The following PRRC2C variants were observed in gnomAD, a reference collection of about 807,000 sequenced individuals.
PRRC2C encodes the protein protein PRRC2C.
PRRC2C carries 72 observed loss-of-function variants against 317.2 expected under a neutral mutation model. The ratio of observed to expected loss-of-function variants is 0.23; its 90% CI spans 0.19 to 0.28. The LOEUF is 0.28. Among genes scored for constraint, PRRC2C ranks in the 10% least tolerant of loss-of-function variants. The probability of loss-of-function intolerance (pLI) is 1.00; values close to 1 mark genes in which losing one functional copy is unlikely to be tolerated. For missense variants in PRRC2C, 3,074 were observed against 3,459.7 expected, an observed-to-expected ratio of 0.89 and a Z score of 2.80; for synonymous variants, 1,296 against 1,205.9, an observed-to-expected ratio of 1.07 and a Z score of -1.55.
At chr1:171,566,210 G>T (rs143662975) in intron 20 of PRRC2C, 23 bp from the exon 21 acceptor site, 2 of 1,584,894 alleles carry the variant, frequency 1.3e-6, no homozygotes, top group African/African-American at 2.7e-5. Context: ...TTGCAAGCAA[G>T]TTTTAAAATA....
intron 10 of PRRC2C, among the ~76,000 whole-genome samples, chr1:171,526,769 A>G (rs1245201468): frequency 6.9e-6 from 1 of 144,666 alleles, no homozygotes; most frequent in African/African-American, 2.6e-5. Context: ...TAGCAATCTT[A>G]TGGTATTGAG....
chr1:171,568,075 C>T (rs1684013133), intron 22 of PRRC2C, among the ~76,000 whole-genome samples, 172 bp from the exon 23 acceptor site: 1 of 152,124 alleles, frequency 6.6e-6, no homozygotes, highest in African/African-American at 2.4e-5. Flanking sequence ...ATCCCAGCTA[C>T]TTCAGTGACT....
At chr1:171,519,691 G>T (rs1346179344) in intron 6 of PRRC2C, among the ~76,000 whole-genome samples, 1 of 152,008 alleles carries the variant, frequency 6.6e-6, no homozygotes, top group Non-Finnish European at 1.5e-5. Flanking sequence ...TTTTCCAGAA[G>T]ACTCATTACT....
rs938229816 is a variant in PRRC2C, at chr1:171,526,805, C to CTTTTT, written c.1201-969_1201-965dup. On this transcript the variant is annotated intron_variant, in intron 10 of 34. Coordinates refer to ENST00000647382, the MANE Select transcript of PRRC2C (RefSeq NM_001387844.1). ...AAAATCATTACATTCAGAAATATAT[C>CTTTTT]TTTTTTTTTTTTTTTTTTTTTGAGA... 5.8e-4 allele frequency among the ~76,000 whole-genome samples: 52 copies of CTTTTT among 90,206 alleles called. 9 individuals carry two copies. The highest frequency in any genetic ancestry group is 4.7e-3 in the South Asian group (8 of 1,708). The allele number at this position is 90,206 out of a possible 152,430, so 59.2% of individuals were successfully genotyped here.
chr1:171,487,662 A>G (rs1666373642), intron 1 of PRRC2C, among the ~76,000 whole-genome samples: 1 of 152,168 alleles, frequency 6.6e-6, no homozygotes, highest in African/African-American at 2.4e-5. Flanking sequence ...AATGGTGATG[A>G]TAATAGGACT....
chr1:171,508,819 CAT>C (rs1428922042), intron 1 of PRRC2C, among the ~76,000 whole-genome samples: 1 of 152,170 alleles, frequency 6.6e-6, no homozygotes, highest in Non-Finnish European at 1.5e-5. Context: ...GTTCTTATAA[CAT>C]ATTTACATTT....
chr1:171,499,124 G>T (rs1668633321), intron 1 of PRRC2C, among the ~76,000 whole-genome samples: 1 of 152,172 alleles, frequency 6.6e-6, no homozygotes. Flanking sequence ...TAAGCTTTCA[G>T]TGCTTCTTCC....
chr1:171,586,894 C>G, intron 30 of PRRC2C, 109 bp from the exon 31 acceptor site: 1 of 898,784 alleles, frequency 1.1e-6, no homozygotes, highest in Non-Finnish European at 1.7e-6. Flanking sequence ...CCGATGTGTT[C>G]TGTTTGAAAT....
intron 32 of PRRC2C, 100 bp from the exon 33 acceptor site, chr1:171,588,279 T>C: frequency 1.5e-6 from 2 of 1,337,456 alleles, no homozygotes; most frequent in Non-Finnish European, 2.1e-6. Context: ...TTTTACCAAC[T>C]ACCAAGTATG....
At chr1:171,499,177 A>G (rs1046807827) in intron 1 of PRRC2C, among the ~76,000 whole-genome samples, 7 of 152,124 alleles carry the variant, frequency 4.6e-5, no homozygotes, top group African/African-American at 9.7e-5. Context: ...TTGCTTTTCA[A>G]ACCTTTTCCA....
intron 18 of PRRC2C, among the ~76,000 whole-genome samples, chr1:171,556,969 A>G (rs1217614745): frequency 1.3e-5 from 2 of 152,234 alleles, no homozygotes; most frequent in African/African-American, 4.8e-5. Context: ...TTTTGCTGCC[A>G]GTGAATTTAC....
intron 16 of PRRC2C, among the ~76,000 whole-genome samples, chr1:171,543,343 T>C (rs1442016802): frequency 4.0e-5 from 6 of 151,424 alleles, no homozygotes; most frequent in African/African-American, 1.2e-4. Flanking sequence ...AAAAAAAAGT[T>C]GGTTATAGTA....
chr1:171,492,876 C>T (rs559330645), intron 1 of PRRC2C, among the ~76,000 whole-genome samples: 6 of 151,784 alleles, frequency 4.0e-5, no homozygotes, highest in African/African-American at 1.2e-4. Flanking sequence ...CTCAGCAGCC[C>T]GAGTAGCTGG....
chr1:171,548,938 A>G (rs912215674), intron 17 of PRRC2C, among the ~76,000 whole-genome samples: 4 of 151,520 alleles, frequency 2.6e-5, no homozygotes, highest in Non-Finnish European at 4.4e-5. Flanking sequence ...TGCAGTCTCA[A>G]CCTCCCCAAC....
At chr1:171,491,026 A>G (rs146821919) in intron 1 of PRRC2C, among the ~76,000 whole-genome samples, 2 of 152,314 alleles carry the variant, frequency 1.3e-5, no homozygotes, top group East Asian at 1.9e-4. Context: ...ATTTCTATAT[A>G]TCTTCTGAAT....
chr1:171,540,759 C>G lies in PRRC2C; in HGVS notation c.3293C>G (p.Ala1098Gly). 1 of 1,613,982 alleles carries G rather than the reference C, an allele frequency of 6.2e-7. No individual in the cohort carries two copies. The highest frequency in any genetic ancestry group is 8.5e-7 in the Non-Finnish European group (1 of 1,179,892). The change falls in exon 16 of 35, where the codon GCT (alanine) becomes GGT (glycine). Residue 1098 changes from alanine (A) to glycine (G), a missense_variant. Physicochemically the swap from Ala to Gly is moderately conservative, Grantham distance 60 (BLOSUM62 0). Coordinates refer to ENST00000647382, the MANE Select transcript of PRRC2C (RefSeq NM_001387844.1). ...CCTTCAACAGAAACTGCAACTTTGG[C>G]TCAAAAACCATCTCAGGATACTGAG... is the stretch of plus-strand genomic sequence containing the variant. ...KFPSTETATL[A>G]QKPSQDTEKP... is the part of the protein sequence containing the mutation.
chr1:171,515,669 G>C (rs1221792811), intron 4 of PRRC2C, 65 bp from the exon 5 acceptor site: 2 of 1,301,444 alleles, frequency 1.5e-6, no homozygotes, highest in African/African-American at 3.0e-5. Context: ...TCTATCCTGG[G>C]AGGGTGGTTT....
chr1:171,532,467 CAGT>C lies in PRRC2C; in HGVS notation c.1382_1384del (p.Val461del). The C allele has an allele frequency of 6.2e-7, 1 of 1,613,458 alleles. No individual in the cohort carries two copies. Among genetic ancestry groups the C allele is most frequent in the Non-Finnish European group, 8.5e-7 (1 of 1,179,688 alleles). On this transcript the variant is annotated inframe_deletion, in exon 12 of 35. Coordinates refer to ENST00000647382, the MANE Select transcript of PRRC2C (RefSeq NM_001387844.1). ...AGACAACAATCAGAAATTTCTGCAGCAGTAGAACGTGCTCGTAAACGGCGTGAA... is the reference window on the plus strand; with the variant it reads ...AGACAACAATCAGAAATTTCTGCAGCAGAACGTGCTCGTAAACGGCGTGAA...
Position 171,532,464 on chromosome 1 carries a change from C to G in PRRC2C, c.1376C>G (p.Ala459Gly), listed in dbSNP as rs143141480. ...QRRRQQSEISAAVERARKRRE... is the reference protein window; with the variant it reads ...QRRRQQSEISGAVERARKRRE... ...CGAAGACAACAATCAGAAATTTCTG[C>G]AGCAGTAGAACGTGCTCGTAAACGG... Residue 459 changes from alanine (A) to glycine (G), a missense_variant, in exon 12 of 35, where the codon GCA (alanine) becomes GGA (glycine). Coordinates refer to ENST00000647382, the MANE Select transcript of PRRC2C (RefSeq NM_001387844.1). The G allele has an allele frequency of 6.9e-4, 1,109 of 1,613,382 alleles. 12 individuals carry two copies. Among genetic ancestry groups the G allele is most frequent in the Non-Finnish European group, 2.9e-4 (348 of 1,179,708 alleles).
Sources: allele counts gnomAD v4.1 joint callset (sites outside exome capture counted in the v4.1 genomes callset), GRCh38; gene constraint gnomAD v4.1.1; transcripts MANE v1.5; gene names NCBI Gene and HGNC (gene_info 2026-07-23, HGNC 2026-07-21).